Variants in INTS11 observed in about 807,000 individuals in gnomAD.
INTS11 encodes CPSF3-like protein.
INTS11 carries 77 observed loss-of-function variants against 78.6 expected under a neutral mutation model. The ratio of observed to expected loss-of-function variants is 0.98; its 90% CI spans 0.81 to 1.18. INTS11 has a LOEUF of 1.18. Among genes scored for constraint, INTS11 ranks in the 50% most tolerant of loss-of-function variants. The pLI is 0.00. For synonymous variants in INTS11, 441 were observed against 326.9 expected (o/e 1.35, Z -3.77); for missense variants, 875 against 825.9 (o/e 1.06, Z -0.73).
chr1:1,312,709 C>CG lies in INTS11; in HGVS notation c.1295-10dup, dbSNP rs746313307. The CG allele has an allele frequency of 5.0e-6, 8 of 1,590,440 alleles. No homozygotes were observed. The highest frequency in any genetic ancestry group is 6.9e-6 in the Non-Finnish European group (8 of 1,165,312). ...CATGTAGCAGTTGACCCCTGGACCC[C>CG]GGGGGAAGAGAGAGCCTCAGCCCAG... On this transcript the variant is annotated splice_polypyrimidine_tract_variant and intron_variant, in intron 12 of 16. Coordinates refer to ENST00000435064, the MANE Select transcript of INTS11 (RefSeq NM_017871.6).
chr1:1,314,628 G>A lies in INTS11; in HGVS notation c.702+196C>T. The A allele has an allele frequency of 1.4e-6, 1 of 712,984 alleles. No homozygotes were observed. Among genetic ancestry groups the A allele is most frequent in the Non-Finnish European group, 2.3e-6 (1 of 438,364 alleles). The allele number at this position is 712,984 out of a possible 1,614,324, so 44.2% of individuals were successfully genotyped here. ...CAGGGCTTCGTCCGCACCTGAGGTA[G>A]GAGGGAAAAGGGGCTCCCTAGGAAA... is the stretch of plus-strand genomic sequence containing the variant. On this transcript the variant is annotated intron_variant, in intron 7 of 16. Transcript: ENST00000435064. This position sits in a 1 kb window ranked among gnomAD's most constrained non-coding sequence, Gnocchi z 4.2.
intron 4 of INTS11, 59 bp from the exon 5 acceptor site, chr1:1,315,677 G>A: frequency 9.4e-7 from 1 of 1,058,718 alleles, no homozygotes; most frequent in Non-Finnish European, 1.4e-6. Flanking sequence ...CGGGGAGTGA[G>A]GGAGGCGGGG....
chr1:1,311,655 G>A lies in INTS11; in HGVS notation c.*204C>T, dbSNP rs1217449977. The A allele has an allele frequency of 7.0e-6, 5 of 713,314 alleles. No individual in the cohort carries two copies. The highest frequency in any genetic ancestry group is 1.5e-5 in the South Asian group (1 of 65,748). The allele number at this position is 713,314 out of a possible 1,614,324, so 44.2% of individuals were successfully genotyped here. Reference sequence around the variant, plus strand: ...GTCTAGGACCACCTGCCCTAACCAGGAATAAAGGCAAGACAGCCTGGAGAC... The same window carrying A: ...GTCTAGGACCACCTGCCCTAACCAGAAATAAAGGCAAGACAGCCTGGAGAC... On this transcript the variant is annotated 3_prime_UTR_variant, in exon 17 of 17. Transcript: ENST00000435064.
rs779564816 is a variant in INTS11 at position 1,320,681 on chromosome 1, G to A, written c.127-152C>T. On this transcript the variant is annotated intron_variant, in intron 2 of 16. Coordinates refer to ENST00000435064, the MANE Select transcript of INTS11 (RefSeq NM_017871.6). ...TCCCGCAGGTGGCACCAGGACCCCT[G>A]GCTGCTCACAGCATCCGGAGGGGCC... is the stretch of plus-strand genomic sequence containing the variant. 128 of 817,392 alleles carry A rather than the reference G, an allele frequency of 1.6e-4. No individual in the cohort carries two copies. The Admixed American group carries it at 1.6e-3, about 10-fold the overall frequency. The allele number at this position is 817,392 out of a possible 1,614,324, so 50.6% of individuals were successfully genotyped here. A position where few individuals can be genotyped will look rare whatever the true frequency, so the allele number is the denominator to read the frequency against.
In INTS11 at chr1:1,314,358, A is replaced by T; in HGVS notation, c.710T>A (p.Ile237Lys). Reference protein sequence around the residue: ...ETVERGGKVLIPVFALGRAQE... With the variant: ...ETVERGGKVLKPVFALGRAQE... ...GGCGCGGCCCAGCGCGAACACAGGT[A>T]TCAGCACCTGAGGGGGACACAAGGC... Residue 237 changes from isoleucine (I) to lysine (K), a missense_variant, in exon 8 of 17, where the codon ATA becomes AAA. By Grantham distance (102) the Ile-to-Lys change is moderately radical (BLOSUM62 -3). Transcript: ENST00000435064. The surrounding 1 kb of genome is among the most constrained non-coding windows in gnomAD (Gnocchi z 4.2). The T allele has an allele frequency of 6.2e-7, 1 of 1,607,048 alleles. No individual in the cohort carries two copies. Among genetic ancestry groups the T allele is most frequent in the South Asian group, 1.1e-5 (1 of 90,082 alleles).
In INTS11 at chr1:1,312,751, C is replaced by G. The variant is rs561688546; in HGVS notation, c.1294+36G>C. 3.8e-6 allele frequency: 6 copies of G among 1,596,016 alleles called. No homozygotes were observed. In the Admixed American group the frequency reaches 8.4e-5, roughly 22 times the overall value. ...TCAGCCCAGGCTGCCCGTGCTGACCCGAGGTGGGCCCCACGCCGCCCGCCC... is the reference window on the plus strand; with the variant it reads ...TCAGCCCAGGCTGCCCGTGCTGACCGGAGGTGGGCCCCACGCCGCCCGCCC... On this transcript the variant is annotated intron_variant, in intron 12 of 16. Transcript: ENST00000435064.
In INTS11 at chr1:1,311,704, C is replaced by A; in HGVS notation, c.*155G>T. 1 of 806,424 alleles carries A rather than the reference C, an allele frequency of 1.2e-6. No homozygotes were observed. The allele number at this position is 806,424 out of a possible 1,614,324, so 50.0% of individuals were successfully genotyped here. Reference sequence around the variant, plus strand: ...ACCAGTTTGTTTCTTCAGCTGCAAACAGCTGCCTGGGCAGGCAGGTGACAC... The same window carrying A: ...ACCAGTTTGTTTCTTCAGCTGCAAAAAGCTGCCTGGGCAGGCAGGTGACAC... On this transcript the variant is annotated 3_prime_UTR_variant, in exon 17 of 17. Transcript: ENST00000435064.
At chr1:1,323,087 A>T (rs1405644350) in intron 1 of INTS11, 1 of 1,498,174 alleles carries the variant, frequency 6.7e-7, no homozygotes, top group East Asian at 2.5e-5. Flanking sequence ...CCATGCAAAC[A>T]GCTGCAAAAT....
Position 1,312,213 on chromosome 1 carries a change from G to GCCGGCCCCCCCCCCCCCC in INTS11, c.1607+12_1607+13insGGGGGGGGGGGGGGCCGG. ...CCCAAGGGAGTGGGGGGGGGGCGGG[G>GCCGGCCCCCCCCCCCCCC]CCGGGCGCCCACCTCTTGAGGTGGC... On this transcript the variant is annotated intron_variant, in intron 15 of 16. Coordinates refer to ENST00000435064, the MANE Select transcript of INTS11 (RefSeq NM_017871.6). The GCCGGCCCCCCCCCCCCCC allele has an allele frequency of 1.1e-6, 1 of 934,564 alleles. No homozygotes were observed. The highest frequency in any genetic ancestry group is 1.6e-6 in the Non-Finnish European group (1 of 636,618). 57.9% of individuals were successfully genotyped at this position (934,564 alleles called of 1,614,324 possible).
In INTS11 at chr1:1,314,993, G is replaced by T. The variant is rs772812197; in HGVS notation, c.564-31C>A. On this transcript the variant is annotated intron_variant, in intron 6 of 16. Transcript: ENST00000435064. This position sits in a 1 kb window ranked among gnomAD's most constrained non-coding sequence, Gnocchi z 4.2. The stretch of plus-strand genomic sequence containing the variant: ...ACACGGGGGTGGGGGTGTGAGCCAC[G>T]ATGCACTGTCCCCACGGTTGCAGGG... 4 of 1,607,142 alleles carry T rather than the reference G, an allele frequency of 2.5e-6. No homozygotes were observed. In the East Asian group the frequency reaches 9.0e-5, roughly 36 times the overall value.
Position 1,320,460 on chromosome 1 carries a change from T to C in INTS11, c.196A>G (p.Ile66Val), listed in dbSNP as rs1570737236. 1.2e-6 allele frequency: 2 copies of C among 1,613,782 alleles called. No individual in the cohort carries two copies. The highest frequency in any genetic ancestry group is 1.3e-5 in the African/African-American group (1 of 75,052). Residue 66 changes from isoleucine (I) to valine (V), a missense_variant, in exon 3 of 17, where the codon ATT becomes GTT. By Grantham distance (29) the Ile-to-Val change is conservative (BLOSUM62 3). Transcript: ENST00000435064. ...RLTDFLDCVI[I>V]SHFHLDHCGA... ...AGGCCCCCAACAGGAACCCACCTAA[T>C]GATCACACAGTCCAGGAAGTCTGTT...
Position 1,312,285 on chromosome 1 carries a change from G to C in INTS11, c.1548C>G (p.His516Gln). 1.3e-6 allele frequency: 2 copies of C among 1,549,842 alleles called. No homozygotes were observed. The highest frequency in any genetic ancestry group is 2.4e-5 in the East Asian group (1 of 41,238). ...CCTGCTCCTTGCGTGTGTCATGCAGGTGCACGCGGCAGGTGAAGCGCAGCT... is the reference window on the plus strand; with the variant it reads ...CCTGCTCCTTGCGTGTGTCATGCAGCTGCACGCGGCAGGTGAAGCGCAGCT... ...EHQLRFTCRV[H>Q]LHDTRKEQET... Residue 516 changes from histidine to glutamine, a missense_variant, in exon 15 of 17, where the codon CAC becomes CAG. By Grantham distance (24) the His-to-Gln change is conservative. Coordinates refer to ENST00000435064, the MANE Select transcript of INTS11 (RefSeq NM_017871.6).
At position 1,313,597 on chromosome 1, in the gene INTS11, A is replaced by T. The variant is rs200557566; in HGVS notation, c.958-5T>A. 6.2e-7 allele frequency: 1 copy of T among 1,612,880 alleles called. No homozygotes were observed. Among genetic ancestry groups the T allele is most frequent in the South Asian group, 1.1e-5 (1 of 91,090 alleles). ...TCCTGGCGTGGCAAACACAACCTAC[A>T]GGACACACAGGGCCAGGTGGGGGGT... On this transcript the variant is annotated splice_polypyrimidine_tract_variant and splice_region_variant and intron_variant, in intron 9 of 16. Transcript: ENST00000435064.
chr1:1,322,935 G>C (rs1643047999), intron 1 of INTS11: 1 of 1,348,660 alleles, frequency 7.4e-7, no homozygotes, highest in Non-Finnish European at 9.5e-7. Flanking sequence ...TACAGATTGC[G>C]GGTAATTGAA....
Position 1,314,215 on chromosome 1 carries a change from G to T in INTS11, c.767+86C>A. 1 of 1,272,434 alleles carries T rather than the reference G, an allele frequency of 7.9e-7. No individual in the cohort carries two copies. Among genetic ancestry groups the T allele is most frequent in the Non-Finnish European group, 1.1e-6 (1 of 893,474 alleles). The allele number at this position is 1,272,434 out of a possible 1,614,324, so 78.8% of individuals were successfully genotyped here. A position where few individuals can be genotyped will look rare whatever the true frequency, so the allele number is the denominator to read the frequency against. On this transcript the variant is annotated intron_variant, in intron 8 of 16. Transcript: ENST00000435064. The surrounding 1 kb of genome is among the most constrained non-coding windows in gnomAD (Gnocchi z 4.2). ...CAGCAAGCAGGGCCAAGATGCCACC[G>T]CTACGCTGGACAGGGCTGCCCACCA...
At position 1,324,638 on chromosome 1, in the gene INTS11, G is replaced by T. The variant is rs1000003240; in HGVS notation, c.-30C>A. Reference sequence around the variant, plus strand: ...TCCGCCGCGCTCCCGGACCCGCGAGGCCCGCCTGCGGTGATGCACTGCGCA... The same window carrying T: ...TCCGCCGCGCTCCCGGACCCGCGAGTCCCGCCTGCGGTGATGCACTGCGCA... On this transcript the variant is annotated 5_prime_UTR_variant, in exon 1 of 17. Transcript: ENST00000435064. 2 of 1,598,320 alleles carry T rather than the reference G, an allele frequency of 1.3e-6. No homozygotes were observed. The highest frequency in any genetic ancestry group is 2.8e-5 in the African/African-American group (2 of 72,466).
Position 1,314,637 on chromosome 1 carries a change from A to C in INTS11, c.702+187T>G, listed in dbSNP as rs571303769. ...GTCCGCACCTGAGGTAGGAGGGAAA[A>C]GGGGCTCCCTAGGAAAGGGTCTCTG... On this transcript the variant is annotated intron_variant, in intron 7 of 16. Transcript: ENST00000435064. The surrounding 1 kb of genome is among the most constrained non-coding windows in gnomAD (Gnocchi z 4.2). 2.1e-4 allele frequency: 157 copies of C among 757,046 alleles called. No individual in the cohort carries two copies. In the African/African-American group the frequency reaches 2.6e-3, roughly 12 times the overall value. 46.9% of individuals were successfully genotyped at this position (757,046 alleles called of 1,614,324 possible). A position where few individuals can be genotyped will look rare whatever the true frequency, so the allele number is the denominator to read the frequency against.
Position 1,315,448 on chromosome 1 carries a change from G to A in INTS11, c.529-10C>T, listed in dbSNP as rs758277385. ...TCATGTTATAATCACCCTGGTGAAC[G>A]ATCAAGGATGCCATGAGGAGGGTGC... On this transcript the variant is annotated splice_polypyrimidine_tract_variant and intron_variant, in intron 5 of 16. Transcript: ENST00000435064. 2.0e-5 allele frequency: 33 copies of A among 1,613,022 alleles called. No homozygotes were observed. The highest frequency in any genetic ancestry group is 3.3e-4 in the Middle Eastern group (2 of 6,084).
chr1:1,312,213 G>GCGCCCCCCCCCCCC lies in INTS11; in HGVS notation c.1607+12_1607+13insGGGGGGGGGGGGCG. 1.1e-6 allele frequency: 1 copy of GCGCCCCCCCCCCCC among 934,532 alleles called. No homozygotes were observed. Among genetic ancestry groups the GCGCCCCCCCCCCCC allele is most frequent in the Non-Finnish European group, 1.6e-6 (1 of 636,586 alleles). The allele number at this position is 934,532 out of a possible 1,614,324, so 57.9% of individuals were successfully genotyped here. ...CCCAAGGGAGTGGGGGGGGGGCGGGGCCGGGCGCCCACCTCTTGAGGTGGC... is the reference window on the plus strand; with the variant it reads ...CCCAAGGGAGTGGGGGGGGGGCGGGGCGCCCCCCCCCCCCCCGGGCGCCCACCTCTTGAGGTGGC... On this transcript the variant is annotated intron_variant, in intron 15 of 16. Coordinates refer to ENST00000435064, the MANE Select transcript of INTS11 (RefSeq NM_017871.6).
Sources: allele counts gnomAD v4.1 joint callset, GRCh38; gene constraint gnomAD v4.1.1; non-coding constraint Gnocchi (gnomAD v3.1); transcripts MANE v1.5; gene names NCBI Gene and HGNC (gene_info 2026-07-23, HGNC 2026-07-21).